Variants in DNAJB6 observed in about 807,000 individuals in gnomAD.
DNAJB6 encodes dnaJ homolog subfamily B member 6.
DNAJB6 carries 16 observed loss-of-function variants against 42.7 expected under a neutral mutation model. The ratio of observed to expected loss-of-function variants is 0.37; its 90% CI spans 0.25 to 0.57. The LOEUF (loss-of-function observed/expected upper bound fraction) is 0.57, where lower values mean the gene tolerates loss of function less well. Among genes scored for constraint, DNAJB6 ranks in the 20% least tolerant of loss-of-function variants. The pLI is 0.74. For synonymous variants in DNAJB6, 170 were observed against 163.5 expected (o/e 1.04, Z -0.30); for missense variants, 347 against 416.8 (o/e 0.83, Z 1.46).
chr7:157,401,395 A>G (rs564156241), intron 8 of DNAJB6, among the ~76,000 whole-genome samples: 22 of 152,072 alleles, frequency 1.4e-4, no homozygotes, highest in African/African-American at 4.8e-4. Flanking sequence ...TTGTATTTTT[A>G]GTAGAGACGG....
chr7:157,347,882 G>GCCTCCCGGGCTC (rs1343721991), intron 1 of DNAJB6, among the ~76,000 whole-genome samples: 1 of 152,148 alleles, frequency 6.6e-6, no homozygotes, highest in East Asian at 1.9e-4. Context: ...TCCAACCTCT[G>GCCTCCCGGGCTC]CCTCCCGGGC....
At chr7:157,341,853 G>A (rs1192246653) in intron 1 of DNAJB6, among the ~76,000 whole-genome samples, 2 of 152,162 alleles carry the variant, frequency 1.3e-5, no homozygotes, top group African/African-American at 4.8e-5. Flanking sequence ...CAGCACTGGA[G>A]ACTGAGTACT....
At chr7:157,360,807 G>C (rs1799545782) in intron 2 of DNAJB6, among the ~76,000 whole-genome samples, 1 of 152,200 alleles carries the variant, frequency 6.6e-6, no homozygotes, top group Non-Finnish European at 1.5e-5. Context: ...TGAGATACCA[G>C]ACTCTTCCTG....
At chr7:157,405,589 G>A (rs1450251311) in intron 8 of DNAJB6, among the ~76,000 whole-genome samples, 1 of 152,234 alleles carries the variant, frequency 6.6e-6, no homozygotes, top group Non-Finnish European at 1.5e-5. Flanking sequence ...GAGAGCCACT[G>A]CATGTGAGGC....
intron 5 of DNAJB6, among the ~76,000 whole-genome samples, chr7:157,375,138 G>A (rs761390559): frequency 6.6e-6 from 1 of 152,202 alleles, no homozygotes; most frequent in Non-Finnish European, 1.5e-5. Flanking sequence ...GGCTTTGACA[G>A]GTTTAGGGAA....
At chr7:157,359,421 C>A (rs930782035) in intron 2 of DNAJB6, among the ~76,000 whole-genome samples, 1 of 152,178 alleles carries the variant, frequency 6.6e-6, no homozygotes, top group Non-Finnish European at 1.5e-5. Context: ...ATATGTTGCT[C>A]AGGCTGGTCT....
chr7:157,364,319 C>G (rs985025898), intron 3 of DNAJB6, among the ~76,000 whole-genome samples: 4 of 152,090 alleles, frequency 2.6e-5, no homozygotes, highest in Admixed American at 1.3e-4. Flanking sequence ...GGCCCACCCC[C>G]TTTGTTTTAG....
intron 5 of DNAJB6, 103 bp from the exon 6 acceptor site, chr7:157,382,143 C>T (rs1800812525): frequency 3.8e-6 from 5 of 1,312,246 alleles, no homozygotes; most frequent in African/African-American, 1.5e-5. Flanking sequence ...GTTTTTTGTT[C>T]CTGAATATGT....
chr7:157,371,713 G>C (rs1316025925), intron 5 of DNAJB6, among the ~76,000 whole-genome samples: 1 of 152,218 alleles, frequency 6.6e-6, no homozygotes, highest in Non-Finnish European at 1.5e-5. Context: ...ATAGGCAGTG[G>C]ACTTATTTGA....
intron 2 of DNAJB6, among the ~76,000 whole-genome samples, chr7:157,360,735 T>G (rs1207771279): frequency 1.3e-5 from 2 of 152,182 alleles, no homozygotes; most frequent in Non-Finnish European, 2.9e-5. Flanking sequence ...TGGCTTTGTG[T>G]GTTGACAGTT....
chr7:157,398,485 G>T (rs1376003118), intron 8 of DNAJB6, among the ~76,000 whole-genome samples: 1 of 152,216 alleles, frequency 6.6e-6, no homozygotes, highest in Non-Finnish European at 1.5e-5. Context: ...CGTGTTATCA[G>T]CCAGGCTCCT....
At chr7:157,360,658 G>A in intron 2 of DNAJB6, among the ~76,000 whole-genome samples, 1 of 152,210 alleles carries the variant, frequency 6.6e-6, no homozygotes. Context: ...TTGTATAAAT[G>A]CTGACTTTTA....
chr7:157,354,332 A>C (rs959743154), intron 1 of DNAJB6, among the ~76,000 whole-genome samples: 7 of 151,852 alleles, frequency 4.6e-5, no homozygotes, highest in Admixed American at 6.6e-5. Context: ...TTTTTAGTAG[A>C]GACAAGGTTG....
intron 8 of DNAJB6, among the ~76,000 whole-genome samples, chr7:157,401,065 A>G (rs1198711259): frequency 6.6e-6 from 1 of 152,180 alleles, no homozygotes; most frequent in Non-Finnish European, 1.5e-5. Context: ...TGGTGCCGGC[A>G]GCTGTCGGCC....
intron 5 of DNAJB6, among the ~76,000 whole-genome samples, chr7:157,367,732 G>T (rs952268431): frequency 6.6e-6 from 1 of 152,164 alleles, no homozygotes; most frequent in Non-Finnish European, 1.5e-5. Context: ...GGTGGCGCAT[G>T]CCTGTAATCC....
chr7:157,354,633 C>G (rs888713685), intron 1 of DNAJB6, among the ~76,000 whole-genome samples: 19 of 152,172 alleles, frequency 1.2e-4, no homozygotes, highest in Non-Finnish European at 2.5e-4. Flanking sequence ...GCCACCGTGC[C>G]CAGCCAATAT....
chr7:157,373,079 C>CTTTTT (rs1446261670), intron 5 of DNAJB6, among the ~76,000 whole-genome samples: 1 of 152,080 alleles, frequency 6.6e-6, no homozygotes, highest in Admixed American at 6.5e-5. Context: ...CAAGTTCCCC[C>CTTTTT]TTTTTATAAG....
At chr7:157,392,409 G>GTAGTC (rs1043555744) in intron 8 of DNAJB6, among the ~76,000 whole-genome samples, 2 of 151,020 alleles carry the variant, frequency 1.3e-5, no homozygotes, top group Non-Finnish European at 2.9e-5. Context: ...TTACTGTGTG[G>GTAGTC]TAGTCTTAAT....
chr7:157,407,895 C>A (rs1795830066), intron 8 of DNAJB6, among the ~76,000 whole-genome samples: 2 of 152,308 alleles, frequency 1.3e-5, no homozygotes, highest in African/African-American at 2.4e-5. Flanking sequence ...CAGCCTGCAA[C>A]TGGGGCCTGG....
Sources: gnomAD v4.1 joint callset for allele counts (sites outside exome capture counted in the v4.1 genomes callset) on GRCh38, gnomAD v4.1.1 for gene constraint, MANE v1.5 for transcripts, NCBI Gene and HGNC (gene_info 2026-07-23, HGNC 2026-07-21) for gene names.